Variants in ADGB observed in about 807,000 individuals in gnomAD.
The protein encoded by ADGB is androglobin, also known as calpain-7-like protein.
In ADGB, 172 loss-of-function variants were observed where a neutral mutation model predicts 210.5. The observed-to-expected ratio is 0.82, with a 90% CI of 0.72 to 0.93. The LOEUF (loss-of-function observed/expected upper bound fraction) is 0.93. ADGB is among the 40% of genes least tolerant of loss of function. The probability of loss-of-function intolerance (pLI) is 0.00; values close to 1 mark genes in which losing one functional copy is unlikely to be tolerated. For synonymous variants in ADGB, 658 were observed against 662.7 expected (o/e 0.99, Z 0.11); for missense variants, 2,025 against 1,964.8 (o/e 1.03, Z -0.58).
intron 12 of ADGB, among the ~76,000 whole-genome samples, chr6:146,695,787 TA>T (rs1269510804): frequency 6.6e-5 from 10 of 152,058 alleles, no homozygotes; most frequent in African/African-American, 2.4e-4. Context: ...AGTATTATAT[TA>T]TTTTTAGTTT....
chr6:146,764,253 G>C (rs528535457), intron 28 of ADGB, among the ~76,000 whole-genome samples, 153 bp downstream of exon 28: 1 of 152,234 alleles, frequency 6.6e-6, no homozygotes, highest in South Asian at 2.1e-4. Context: ...CAGTTTCTCT[G>C]TGCCAAGATC....
chr6:146,715,501 GCT>G, intron 14 of ADGB, 86 bp downstream of exon 14: 1 of 867,204 alleles, frequency 1.2e-6, no homozygotes, highest in Non-Finnish European at 1.7e-6. Flanking sequence ...TTCCCTTCTG[GCT>G]CTCAGCAGCC....
At chr6:146,712,294 C>T (rs1286580447) in intron 13 of ADGB, among the ~76,000 whole-genome samples, 1 of 151,994 alleles carries the variant, frequency 6.6e-6, no homozygotes, top group African/African-American at 2.4e-5. Context: ...AAGTGATTCT[C>T]CTGCCTCAGC....
intron 1 of ADGB, among the ~76,000 whole-genome samples, chr6:146,616,094 A>T (rs551722488): frequency 9.2e-5 from 14 of 152,080 alleles, no homozygotes; most frequent in African/African-American, 2.9e-4. Flanking sequence ...TGTCTTTTTG[A>T]TAACAGTCAT....
At chr6:146,644,671 T>A in intron 2 of ADGB, 102 bp from the exon 3 acceptor site, 1 of 657,924 alleles carries the variant, frequency 1.5e-6, no homozygotes, top group Non-Finnish European at 2.4e-6. Flanking sequence ...TGTAAAGGCT[T>A]ATTGATTGAC....
intron 13 of ADGB, among the ~76,000 whole-genome samples, chr6:146,703,399 CTG>C (rs1776521950): frequency 6.6e-6 from 1 of 151,722 alleles, no homozygotes; most frequent in African/African-American, 2.4e-5. Context: ...CTAAAATCTT[CTG>C]TCTTATCAAT....
At chr6:146,680,403 A>C (rs1288744791) in intron 9 of ADGB, among the ~76,000 whole-genome samples, 1 of 152,214 alleles carries the variant, frequency 6.6e-6, no homozygotes, top group Non-Finnish European at 1.5e-5. Flanking sequence ...AAGAAACTAT[A>C]TCATGTTTAA....
At chr6:146,691,496 A>ATTT (rs1228357224) in intron 11 of ADGB, among the ~76,000 whole-genome samples, 26 of 16,474 alleles carry the variant, frequency 1.6e-3, no homozygotes, top group Non-Finnish European at 1.9e-3. Flanking sequence ...ATATATATAT[A>ATTT]TATATTTTTT....
intron 1 of ADGB, among the ~76,000 whole-genome samples, chr6:146,612,022 G>T (rs966495940): frequency 6.6e-6 from 1 of 152,154 alleles, no homozygotes; most frequent in Admixed American, 6.5e-5. Context: ...AGCAGAAGCA[G>T]TCTGTGTCCC....
At chr6:146,643,790 G>A (rs1453372089) in intron 2 of ADGB, among the ~76,000 whole-genome samples, 2 of 151,780 alleles carry the variant, frequency 1.3e-5, no homozygotes, top group Non-Finnish European at 2.9e-5. Flanking sequence ...GTGAACAAAC[G>A]TCTTTACATG....
chr6:146,789,315 A>G (rs1777922364), intron 33 of ADGB, among the ~76,000 whole-genome samples: 1 of 152,182 alleles, frequency 6.6e-6, no homozygotes, highest in Non-Finnish European at 1.5e-5. Flanking sequence ...GCTTCAGGTG[A>G]TCATGGCCCA....
chr6:146,600,909 A>G (rs1780545298), intron 1 of ADGB, among the ~76,000 whole-genome samples: 1 of 139,996 alleles, frequency 7.1e-6, no homozygotes. Flanking sequence ...AATTTTGAGT[A>G]CACCCCTCCC....
At chr6:146,756,871 G>A (rs1777413862) in intron 27 of ADGB, among the ~76,000 whole-genome samples, 1 of 151,874 alleles carries the variant, frequency 6.6e-6, no homozygotes, top group Non-Finnish European at 1.5e-5. Flanking sequence ...GGGATTACAG[G>A]TGCGTGACAC....
intron 2 of ADGB, among the ~76,000 whole-genome samples, chr6:146,637,191 A>AT (rs1562261274): frequency 6.6e-6 from 1 of 151,866 alleles, no homozygotes; most frequent in African/African-American, 2.4e-5. Context: ...TTGTTTATTT[A>AT]TTTTTTCCTC....
At chr6:146,774,005 C>T (rs977661931) in intron 29 of ADGB, among the ~76,000 whole-genome samples, 3 of 152,122 alleles carry the variant, frequency 2.0e-5, no homozygotes, top group African/African-American at 7.2e-5. Context: ...ACTGGCACAG[C>T]TGAGAATCTA....
At chr6:146,733,376 G>T (rs1432554286) in intron 21 of ADGB, 121 bp downstream of exon 21, 1 of 1,038,114 alleles carries the variant, frequency 9.6e-7, no homozygotes, top group Non-Finnish European at 1.3e-6. Flanking sequence ...TGGAGTTCAA[G>T]CAGTGCTCTA....
intron 27 of ADGB, among the ~76,000 whole-genome samples, chr6:146,760,747 C>T (rs537698161): frequency 2.0e-5 from 3 of 151,970 alleles, no homozygotes; most frequent in East Asian, 1.9e-4. Flanking sequence ...TGGTTTCTCA[C>T]ATTTTTTCTT....
At chr6:146,692,975 C>A in intron 12 of ADGB, 60 bp downstream of exon 12, 1 of 972,592 alleles carries the variant, frequency 1.0e-6, no homozygotes, top group Non-Finnish European at 1.5e-6. Flanking sequence ...TGTGATGTGT[C>A]TGGCTAAAGA....
intron 29 of ADGB, among the ~76,000 whole-genome samples, chr6:146,771,550 C>G (rs185153756): frequency 1.2e-3 from 179 of 152,190 alleles, no homozygotes; most frequent in African/African-American, 4.0e-3. Context: ...TCATACCGTG[C>G]CCCCGCCCCT....
Sources: gnomAD v4.1 joint callset for allele counts (sites outside exome capture counted in the v4.1 genomes callset) on GRCh38, gnomAD v4.1.1 for gene constraint, MANE v1.5 for transcripts, NCBI Gene and HGNC (gene_info 2026-07-23, HGNC 2026-07-21) for gene names.